The following MAD1L1 variants were observed in gnomAD, a reference collection of about 807,000 sequenced individuals.
MAD1L1 encodes the protein mitotic spindle assembly checkpoint protein MAD1.
MAD1L1 carries 95 observed loss-of-function variants against 96.9 expected under a neutral mutation model. The observed-to-expected ratio is 0.98, with a 90% confidence interval of 0.83 to 1.16. The LOEUF (loss-of-function observed/expected upper bound fraction) is 1.16. Ranked by LOEUF, MAD1L1 falls within the 50% of genes most tolerant of loss-of-function variation. MAD1L1 has a pLI of 0.00. For synonymous variants in MAD1L1, 473 were observed against 396.6 expected, an observed-to-expected ratio of 1.19 and a Z score of -2.29; for missense variants, 1,007 against 954.4, an observed-to-expected ratio of 1.06 and a Z score of -0.73.
At chr7:1,932,213 T>C (rs910278527) in intron 17 of MAD1L1, among the ~76,000 whole-genome samples, 2 of 152,184 alleles carry the variant, frequency 1.3e-5, no homozygotes, top group East Asian at 1.9e-4. Flanking sequence ...TGCCAGCTGC[T>C]CCCCAGGCCT....
chr7:2,004,961 G>A (rs1489202328), intron 13 of MAD1L1, among the ~76,000 whole-genome samples: 3 of 152,228 alleles, frequency 2.0e-5, no homozygotes, highest in African/African-American at 7.2e-5. Context: ...CTGGCGAAAG[G>A]TGACTCGGAG....
intron 18 of MAD1L1, among the ~76,000 whole-genome samples, chr7:1,883,342 G>A (rs1785806227): frequency 6.6e-6 from 1 of 152,132 alleles, no homozygotes; most frequent in African/African-American, 2.4e-5. Flanking sequence ...TGGTATGTAG[G>A]AGCTCCTTAA....
intron 18 of MAD1L1, among the ~76,000 whole-genome samples, chr7:1,824,583 T>C (rs1412756135): frequency 6.6e-6 from 1 of 152,102 alleles, no homozygotes; most frequent in South Asian, 2.1e-4. Flanking sequence ...GCAGCAGGAC[T>C]GGTTGTCTGC....
At chr7:2,057,701 T>C (rs2128521217) in intron 12 of MAD1L1, among the ~76,000 whole-genome samples, 1 of 152,268 alleles carries the variant, frequency 6.6e-6, no homozygotes, top group East Asian at 1.9e-4. Context: ...TATCAGAAAA[T>C]GTTTTGAACT....
Position 2,071,014 on chromosome 7 carries a change from G to A in MAD1L1, c.1074-1676C>T, listed in dbSNP as rs191445650. Among the ~76,000 whole-genome samples, 1,021 of 152,006 alleles carry A rather than the reference G, an allele frequency of 6.7e-3. 7 individuals carry two copies. The highest frequency in any genetic ancestry group is 0.011 in the Non-Finnish European group (747 of 67,966). ...AAGGGAAAGCTTCATCCCAGGGCTG[G>A]TGGATGGCGCTTTCTTGGGAGGTGG... is the stretch of plus-strand genomic sequence containing the variant. On this transcript the variant is annotated intron_variant, in intron 11 of 18. Coordinates refer to ENST00000265854, the MANE Select transcript of MAD1L1 (RefSeq NM_001013836.2).
At chr7:2,050,398 C>T (rs74423187) in intron 12 of MAD1L1, among the ~76,000 whole-genome samples, 63 of 151,460 alleles carry the variant, frequency 4.2e-4, no homozygotes, top group African/African-American at 1.4e-3. Flanking sequence ...CACGGGCAGA[C>T]GGAAGCACCA....
chr7:1,840,194 C>T, intron 18 of MAD1L1, among the ~76,000 whole-genome samples: 1 of 152,204 alleles, frequency 6.6e-6, no homozygotes, highest in Non-Finnish European at 1.5e-5. Context: ...CCTCTGCTCT[C>T]CCTGCACGCT....
intron 17 of MAD1L1, among the ~76,000 whole-genome samples, chr7:1,932,067 G>T (rs2128461484): frequency 6.6e-6 from 1 of 152,352 alleles, no homozygotes; most frequent in East Asian, 1.9e-4. Context: ...GAAAGCTCCG[G>T]TCCGCATCAT....
intron 15 of MAD1L1, among the ~76,000 whole-genome samples, chr7:1,959,274 C>T (rs562310662): frequency 1.6e-4 from 24 of 152,036 alleles, no homozygotes; most frequent in Admixed American, 3.9e-4. Flanking sequence ...AGCAAACAAA[C>T]ACAGAGAGGA....
At chr7:1,931,736 C>T (rs760830900) in intron 17 of MAD1L1, among the ~76,000 whole-genome samples, 97 of 147,756 alleles carry the variant, frequency 6.6e-4, no homozygotes, top group Non-Finnish European at 1.1e-3. Flanking sequence ...AGCTCCCTTA[C>T]GACTGTGTGA....
At chr7:1,985,851 C>T (rs186615184) in intron 14 of MAD1L1, among the ~76,000 whole-genome samples, 99 of 152,256 alleles carry the variant, frequency 6.5e-4, no homozygotes, top group African/African-American at 2.2e-3. Flanking sequence ...CAACCCCCGG[C>T]CTCACCGTCT....
chr7:1,959,977 A>C (rs1470353255), intron 15 of MAD1L1, among the ~76,000 whole-genome samples: 4 of 152,238 alleles, frequency 2.6e-5, no homozygotes, highest in Non-Finnish European at 5.9e-5. Context: ...AAAACTAATG[A>C]AAATATATTG....
At chr7:1,886,435 G>T (rs1476930851) in intron 18 of MAD1L1, among the ~76,000 whole-genome samples, 2 of 152,240 alleles carry the variant, frequency 1.3e-5, no homozygotes, top group Non-Finnish European at 2.9e-5. Flanking sequence ...ATCTCAGCCT[G>T]TGTCAACACG....
intron 17 of MAD1L1, among the ~76,000 whole-genome samples, chr7:1,915,277 CG>C (rs1788305468): frequency 6.6e-6 from 1 of 152,142 alleles, no homozygotes. Flanking sequence ...CACCTTGGAG[CG>C]GAAGTGCTAC....
At chr7:1,845,089 G>A (rs561638593) in intron 18 of MAD1L1, among the ~76,000 whole-genome samples, 4 of 152,360 alleles carry the variant, frequency 2.6e-5, no homozygotes, top group South Asian at 4.1e-4. Context: ...TGACTGCAGC[G>A]GGGAGAGCAG....
intron 10 of MAD1L1, among the ~76,000 whole-genome samples, chr7:2,172,116 C>A (rs961490650): frequency 6.6e-6 from 1 of 152,140 alleles, no homozygotes; most frequent in African/African-American, 2.4e-5. Flanking sequence ...GTGCCCCCAC[C>A]TCAAAGGGTG....
Position 1,980,504 on chromosome 7 carries a change from C to A in MAD1L1, c.1454G>T (p.Ser485Ile), listed in dbSNP as rs777650265. The A allele has an allele frequency of 1.9e-6, 3 of 1,613,306 alleles. No individual in the cohort carries two copies. In the Admixed American group the frequency reaches 5.0e-5, roughly 27 times the overall value. The change falls in exon 15 of 19, where the codon AGC becomes ATC. Residue 485 changes from serine (S) to isoleucine (I), a missense_variant. Physicochemically the swap from Ser to Ile is moderately radical, Grantham distance 142. Coordinates refer to ENST00000265854, the MANE Select transcript of MAD1L1 (RefSeq NM_001013836.2). ...MELKMLKSQS[S>I]SAEQSFLFSR... ...GAACAGGAAGCTCTGTTCGGCAGAG[C>A]TGGACTGAGACTTCAGCATCTTCAG...
intron 1 of MAD1L1, among the ~76,000 whole-genome samples, chr7:2,232,404 T>C (rs1485094458): frequency 3.3e-5 from 5 of 152,152 alleles, no homozygotes; most frequent in Non-Finnish European, 7.4e-5. Context: ...ACACGCCCCC[T>C]TCCTGAGAGC....
At chr7:2,120,652 C>G (rs1379734737) in intron 11 of MAD1L1, among the ~76,000 whole-genome samples, 2 of 152,224 alleles carry the variant, frequency 1.3e-5, no homozygotes, top group Non-Finnish European at 2.9e-5. Flanking sequence ...TCTGTTTCCC[C>G]AACAACACAA....
Sources: gnomAD v4.1 joint callset for allele counts (sites outside exome capture counted in the v4.1 genomes callset) on GRCh38, gnomAD v4.1.1 for gene constraint, MANE v1.5 for transcripts, NCBI Gene and HGNC (gene_info 2026-07-23, HGNC 2026-07-21) for gene names.